WFS1: variants seen among roughly 807,000 people sequenced by gnomAD.
WFS1 encodes wolframin ER transmembrane glycoprotein, also known as wolframin.
Under a neutral mutation model 68.5 loss-of-function variants are expected in WFS1, and 90 were observed. The ratio of observed to expected loss-of-function variants is 1.31; its 90% confidence interval spans 1.11 to 1.56. The LOEUF is 1.56. Ranked by LOEUF, WFS1 falls within the 40% of genes most tolerant of loss-of-function variation. The pLI, the probability that WFS1 is intolerant of heterozygous loss-of-function variation, is 0.00. For synonymous variants in WFS1, 860 were observed against 540.7 expected (o/e 1.59, Z -8.19); for missense variants, 1,767 against 1,232.6 (o/e 1.43, Z -6.49).
At position 6,302,388 on chromosome 4, in the gene WFS1, C is replaced by G; in HGVS notation, c.2593C>G (p.His865Asp). The G allele has an allele frequency of 1.2e-6, 2 of 1,613,116 alleles. No homozygotes were observed. Among genetic ancestry groups the G allele is most frequent in the South Asian group, 1.1e-5 (1 of 91,078 alleles). The change falls in exon 8 of 8, where the codon CAC becomes GAC. Residue 865 changes from histidine (H) to aspartate (D), a missense_variant. By Grantham distance (81) the His-to-Asp change is moderately conservative. Coordinates refer to ENST00000226760, the MANE Select transcript of WFS1 (RefSeq NM_006005.3). The part of the protein sequence containing the change: ...SPTRRHVKIE[H>D]DWRSTVHGAV... Reference sequence around the variant, plus strand: ...CACCAGGCGGCACGTGAAGATCGAGCACGACTGGCGCAGCACCGTGCATGG... The same window carrying G: ...CACCAGGCGGCACGTGAAGATCGAGGACGACTGGCGCAGCACCGTGCATGG...
chr4:6,302,454 C>G lies in WFS1; in HGVS notation c.2659C>G (p.Leu887Val). 6.2e-7 allele frequency: 1 copy of G among 1,612,914 alleles called. No homozygotes were observed. The highest frequency in any genetic ancestry group is 1.1e-5 in the South Asian group (1 of 91,090). Residue 887 changes from leucine (L) to valine (V), a missense_variant, in exon 8 of 8, where the codon CTG becomes GTG. Coordinates refer to ENST00000226760, the MANE Select transcript of WFS1 (RefSeq NM_006005.3). ...FAFDFFFFPF[L>V]SAA ...CTTCGACTTCTTTTTCTTCCCATTC[C>G]TGTCGGCGGCCTGAGGATGGTCCGC...
In WFS1 at chr4:6,302,078, C is replaced by G; in HGVS notation, c.2283C>G (p.Ala761=). Residue 761 remains alanine, a synonymous_variant, in exon 8 of 8, where the codon GCC becomes GCG. Coordinates refer to ENST00000226760, the MANE Select transcript of WFS1 (RefSeq NM_006005.3). The stretch of plus-strand genomic sequence containing the variant: ...AGCTCTGTCGCCTTAAGCTGCTGGC[C>G]AAGCACCCCTGCCACATCAAGAAGT... ...EEELCRLKLL[A]KHPCHIKKFD... 6 of 1,612,898 alleles carry G rather than the reference C, an allele frequency of 3.7e-6. No homozygotes were observed. The highest frequency in any genetic ancestry group is 5.1e-6 in the Non-Finnish European group (6 of 1,180,028).
intron 7 of WFS1, 38 bp downstream of exon 7, chr4:6,295,227 TC>T: frequency 2.5e-6 from 4 of 1,608,734 alleles, no homozygotes; most frequent in Non-Finnish European, 3.4e-6. Context: ...GGAGCCTGCC[TC>T]CCAAGGACTC....
chr4:6,281,749 T>C (rs1730175420), intron 2 of WFS1, among the ~76,000 whole-genome samples: 2 of 151,982 alleles, frequency 1.3e-5, no homozygotes, highest in African/African-American at 4.8e-5. Flanking sequence ...GAGGTGCTAC[T>C]CAGGGCACCC....
At chr4:6,294,480 A>T (rs184967447) in intron 6 of WFS1, among the ~76,000 whole-genome samples, 1 of 30,108 alleles carries the variant, frequency 3.3e-5, no homozygotes, top group East Asian at 0.036. Flanking sequence ...TGGAGGTGTC[A>T]GCAGGCACAT....
At chr4:6,291,411 C>A (rs1730461684) in intron 5 of WFS1, 44 bp downstream of exon 5, 5 of 1,604,022 alleles carry the variant, frequency 3.1e-6, no homozygotes, top group Non-Finnish European at 3.4e-6. Flanking sequence ...TGGGCGCCAG[C>A]CTTCCCACAG....
chr4:6,294,929 A>G, intron 6 of WFS1, 112 bp from the exon 7 acceptor site: 1 of 1,569,838 alleles, frequency 6.4e-7, no homozygotes, highest in Admixed American at 1.7e-5. Context: ...GAACCCACTC[A>G]GCTCCTTTCT....
At chr4:6,289,545 G>A (rs373824006) in intron 4 of WFS1, among the ~76,000 whole-genome samples, 1 of 152,362 alleles carries the variant, frequency 6.6e-6, no homozygotes, top group African/African-American at 2.4e-5. Flanking sequence ...CAGCTGAGGG[G>A]CTGTGGGCCC....
At chr4:6,288,216 C>CAAA (rs5855906) in intron 3 of WFS1, among the ~76,000 whole-genome samples, 76 of 131,124 alleles carry the variant, frequency 5.8e-4, no homozygotes, top group African/African-American at 1.9e-3. Flanking sequence ...GACTCTGTCT[C>CAAA]AAAAAAAAAA....
chr4:6,294,911 C>T, intron 6 of WFS1, 130 bp from the exon 7 acceptor site: 1 of 1,503,570 alleles, frequency 6.7e-7, no homozygotes. Flanking sequence ...GAAGGGTTTC[C>T]TCCACCTGAA....
intron 6 of WFS1, chr4:6,294,662 G>T: frequency 3.0e-6 from 1 of 335,078 alleles, no homozygotes; most frequent in Non-Finnish European, 5.9e-6. Context: ...GAAGCCCCAC[G>T]CTGGCTGAAG....
At chr4:6,271,633 C>G (rs1273184884) in intron 1 of WFS1, among the ~76,000 whole-genome samples, 1 of 152,172 alleles carries the variant, frequency 6.6e-6, no homozygotes, top group African/African-American at 2.4e-5. Context: ...CAGACCACCC[C>G]CTGTGCCCTT....
chr4:6,291,457 C>G (rs1488715268), intron 5 of WFS1, 90 bp downstream of exon 5: 77 of 1,523,686 alleles, frequency 5.1e-5, no homozygotes, highest in Non-Finnish European at 6.7e-5. Flanking sequence ...GGGACCTTCC[C>G]TCAGGGGCTG....
At chr4:6,293,684 G>A (rs1730532886) in intron 6 of WFS1, among the ~76,000 whole-genome samples, 1 of 152,172 alleles carries the variant, frequency 6.6e-6, no homozygotes, top group South Asian at 2.1e-4. Context: ...CTAGACTGAT[G>A]TCCTGTCTCT....
intron 1 of WFS1, 120 bp from the exon 2 acceptor site, chr4:6,277,331 T>C: frequency 1.1e-6 from 1 of 942,120 alleles, no homozygotes; most frequent in Non-Finnish European, 1.7e-6. Context: ...AGCGAGATCC[T>C]GTATGGAGTG....
chr4:6,294,024 C>T (rs1012840352), intron 6 of WFS1, among the ~76,000 whole-genome samples: 2 of 152,212 alleles, frequency 1.3e-5, no homozygotes, highest in African/African-American at 4.8e-5. Flanking sequence ...TGCAGCTACA[C>T]CTGGGTGCTG....
intron 7 of WFS1, among the ~76,000 whole-genome samples, chr4:6,299,475 T>TG (rs1730764601): frequency 8.2e-6 from 1 of 122,216 alleles, no homozygotes; most frequent in Non-Finnish European, 1.7e-5. Flanking sequence ...GGTGCACGTG[T>TG]GGGGGTGGGT....
At chr4:6,288,349 C>T (rs182477510) in intron 3 of WFS1, 7 of 155,942 alleles carry the variant, frequency 4.5e-5, no homozygotes, top group African/African-American at 1.7e-4. Context: ...CTCTCTGTGC[C>T]CTGGGCCTCA....
At chr4:6,276,258 G>C (rs552212340) in intron 1 of WFS1, among the ~76,000 whole-genome samples, 1 of 152,208 alleles carries the variant, frequency 6.6e-6, no homozygotes, top group Non-Finnish European at 1.5e-5. Flanking sequence ...ATCCGGGTCC[G>C]GGGCTCGGGA....
Sources: allele counts gnomAD v4.1 joint callset (sites outside exome capture counted in the v4.1 genomes callset), GRCh38; gene constraint gnomAD v4.1.1; transcripts MANE v1.5; gene names NCBI Gene and HGNC (gene_info 2026-07-23, HGNC 2026-07-21).